Variants in LGR6 observed in about 807,000 individuals in gnomAD.
LGR6 encodes leucine rich repeat containing G protein-coupled receptor 6, also known as leucine-rich repeat-containing G protein-coupled receptor 6.
Under a neutral mutation model 69.4 loss-of-function variants are expected in LGR6, and 45 were observed. The ratio of observed to expected loss-of-function variants is 0.65; its 90% CI spans 0.51 to 0.83. The LOEUF (loss-of-function observed/expected upper bound fraction) is 0.83. Ranked by LOEUF, LGR6 falls within the 40% of genes least tolerant of loss-of-function variation. The probability of loss-of-function intolerance (pLI) is 0.00; values close to 1 mark genes in which losing one functional copy is unlikely to be tolerated. For synonymous variants in LGR6, 538 were observed against 555.0 expected (o/e 0.97, Z 0.43); for missense variants, 1,108 against 1,246.7 (o/e 0.89, Z 1.68).
Position 202,319,231 on chromosome 1 carries a change from C to G in LGR6, c.*24C>G. ...AAATATCCCTCCCCATTCTTCTCTT[C>G]CCCTCTCTTCCCTTTCCTCTCTCCC... On this transcript the variant is annotated 3_prime_UTR_variant, in exon 18 of 18. Transcript: ENST00000367278. The G allele has an allele frequency of 6.5e-7, 1 of 1,536,726 alleles. No individual in the cohort carries two copies. Among genetic ancestry groups the G allele is most frequent in the Non-Finnish European group, 8.7e-7 (1 of 1,143,504 alleles).
intron 7 of LGR6, among the ~76,000 whole-genome samples, chr1:202,300,118 G>A (rs576677693): frequency 6.6e-6 from 1 of 152,340 alleles, no homozygotes; most frequent in African/African-American, 2.4e-5. Flanking sequence ...CCTCACTTGG[G>A]ATCCCCTGGA....
chr1:202,291,633 A>T (rs1017373759), intron 6 of LGR6, among the ~76,000 whole-genome samples: 1 of 152,230 alleles, frequency 6.6e-6, no homozygotes, highest in Non-Finnish European at 1.5e-5. Context: ...GACAATATGC[A>T]TGCAGAAAAC....
chr1:202,266,531 T>C (rs963445423), intron 4 of LGR6, among the ~76,000 whole-genome samples: 1 of 151,006 alleles, frequency 6.6e-6, no homozygotes, highest in African/African-American at 2.4e-5. Flanking sequence ...AATTTAAAGT[T>C]CAGATCCATA....
At position 202,271,820 on chromosome 1, in the gene LGR6, A is replaced by G. The variant is rs12129224; in HGVS notation, c.429-4486A>G. ...TGAAACTCTGTCTCAAAAAAAAAAA[A>G]AAAAAAAAAGAGAGAGGGGAGAGAG... On this transcript the variant is annotated intron_variant, in intron 4 of 17. Transcript: ENST00000367278. Among the ~76,000 whole-genome samples the G allele has an allele frequency of 2.6e-3, 391 of 150,092 alleles. 5 individuals carry two copies. The highest frequency in any genetic ancestry group is 8.9e-3 in the African/African-American group (366 of 41,048).
chr1:202,233,673 T>G (rs749062395), intron 3 of LGR6, among the ~76,000 whole-genome samples: 15 of 152,174 alleles, frequency 9.9e-5, no homozygotes, highest in Non-Finnish European at 1.9e-4. Context: ...GGAGAGGAAG[T>G]GACTTACTCA....
chr1:202,222,487 G>A (rs1660229422), intron 1 of LGR6, among the ~76,000 whole-genome samples: 1 of 152,196 alleles, frequency 6.6e-6, no homozygotes, highest in African/African-American at 2.4e-5. Context: ...GCTGAGTGAT[G>A]AGGCCTGAGT....
intron 1 of LGR6, among the ~76,000 whole-genome samples, chr1:202,199,292 A>C (rs950047460): frequency 5.9e-5 from 9 of 152,032 alleles, no homozygotes; most frequent in African/African-American, 2.2e-4. Flanking sequence ...TGACTCCAGG[A>C]AGTGGGGTCC....
At chr1:202,215,594 G>A (rs1456924196) in intron 1 of LGR6, among the ~76,000 whole-genome samples, 1 of 152,158 alleles carries the variant, frequency 6.6e-6, no homozygotes, top group African/African-American at 2.4e-5. Context: ...GAGTGGCCAA[G>A]TCCTCTAATG....
chr1:202,284,326 C>T (rs1215522349), intron 6 of LGR6, among the ~76,000 whole-genome samples: 7 of 152,140 alleles, frequency 4.6e-5, no homozygotes, highest in Non-Finnish European at 7.3e-5. Context: ...GAGGATGACC[C>T]GAACTTGCTG....
chr1:202,318,045 T>G lies in LGR6; in HGVS notation c.1742T>G (p.Leu581Arg). 6.2e-7 allele frequency: 1 copy of G among 1,614,220 alleles called. No individual in the cohort carries two copies. The highest frequency in any genetic ancestry group is 8.5e-7 in the Non-Finnish European group (1 of 1,180,028). The change falls in exon 18 of 18, where the codon CTG becomes CGG. Residue 581 changes from leucine to arginine, a missense_variant. Leu to Arg is a moderately radical substitution (Grantham distance 102). Coordinates refer to ENST00000367278, the MANE Select transcript of LGR6 (RefSeq NM_001017403.2). Reference protein sequence around the residue: ...IVLLSVLCNGLVLLTVFAGGP... With the variant: ...IVLLSVLCNGRVLLTVFAGGP... ...TTGCTCTCCGTGCTCTGCAATGGAC[T>G]GGTGCTGCTGACCGTGTTCGCTGGC...
rs1661402135 is a variant in LGR6 at position 202,234,956 on chromosome 1, G to A, written c.357-966G>A. Among the ~76,000 whole-genome samples the A allele has an allele frequency of 4.6e-5, 7 of 151,676 alleles. No homozygotes were observed. In the South Asian group the frequency reaches 1.5e-3, roughly 31 times the overall value. On this transcript the variant is annotated intron_variant, in intron 3 of 17. Coordinates refer to ENST00000367278, the MANE Select transcript of LGR6 (RefSeq NM_001017403.2). ...CTTCTTGCTTCCCCAGCTCTTCCAT[G>A]AACTCCCTGTGTGCTCTCCTTCTCA...
intron 4 of LGR6, among the ~76,000 whole-genome samples, chr1:202,238,344 C>T (rs1661789312): frequency 6.6e-6 from 1 of 151,076 alleles, no homozygotes; most frequent in South Asian, 2.1e-4. Flanking sequence ...CAAAGCAATC[C>T]ACCTACCTTG....
intron 6 of LGR6, among the ~76,000 whole-genome samples, chr1:202,288,446 A>G (rs947082850): frequency 1.6e-4 from 24 of 152,194 alleles, no homozygotes; most frequent in Admixed American, 5.9e-4. Context: ...AAGGTACTCA[A>G]TAAATGTTTG....
intron 4 of LGR6, among the ~76,000 whole-genome samples, chr1:202,247,019 C>A (rs558211245): frequency 1.3e-5 from 2 of 152,328 alleles, no homozygotes; most frequent in African/African-American, 2.4e-5. Flanking sequence ...TGTGAGGGAC[C>A]CTTGAGGTCT....
chr1:202,311,521 A>G (rs1229518113), intron 16 of LGR6, among the ~76,000 whole-genome samples: 1 of 152,158 alleles, frequency 6.6e-6, no homozygotes, highest in Non-Finnish European at 1.5e-5. Flanking sequence ...TTAGCCAGTC[A>G]TGGTGGCATG....
At chr1:202,280,716 C>G in intron 5 of LGR6, 65 bp from the exon 6 acceptor site, 1 of 1,401,568 alleles carries the variant, frequency 7.1e-7, no homozygotes, top group Non-Finnish European at 1.0e-6. Context: ...CCACCATGTG[C>G]TCTTCCATCC....
chr1:202,308,244 C>G (rs1025566220), intron 14 of LGR6, among the ~76,000 whole-genome samples: 2 of 152,190 alleles, frequency 1.3e-5, no homozygotes, highest in Non-Finnish European at 2.9e-5. Context: ...CGTGGCTTTG[C>G]AAAACTCTCA....
chr1:202,194,236 C>T (rs2077598), intron 1 of LGR6, 35 bp downstream of exon 1: 14 of 1,472,900 alleles, frequency 9.5e-6, no homozygotes, highest in Admixed American at 2.1e-5. Flanking sequence ...CCTGGTCCTG[C>T]GGGCTGCTGG....
chr1:202,318,304 C>T lies in LGR6; in HGVS notation c.2001C>T (p.Cys667=). Residue 667 remains cysteine, a synonymous_variant, in exon 18 of 18, where the codon TGC becomes TGT. Transcript: ENST00000367278. ...TGCTCACTCTGGCCGCAGTGCAGTGCAGCGTCTCCGTCTCCTGTGTCCGGG... is the reference window on the plus strand; with the variant it reads ...TGCTCACTCTGGCCGCAGTGCAGTGTAGCGTCTCCGTCTCCTGTGTCCGGG... ...VLLLTLAAVQ[C]SVSVSCVRAY... 1 of 1,595,504 alleles carries T rather than the reference C, an allele frequency of 6.3e-7. No homozygotes were observed.
Sources: allele counts gnomAD v4.1 joint callset (sites outside exome capture counted in the v4.1 genomes callset), GRCh38; gene constraint gnomAD v4.1.1; transcripts MANE v1.5; gene names NCBI Gene and HGNC (gene_info 2026-07-23, HGNC 2026-07-21).